FARS2: variants seen among roughly 807,000 people sequenced by gnomAD.
FARS2 encodes phenylalanyl-tRNA synthetase 2, mitochondrial.
In FARS2, 40 loss-of-function variants were observed where a neutral mutation model predicts 46.4. That is an observed-to-expected ratio of 0.86 (90% confidence interval 0.67 to 1.12). The LOEUF is 1.12. FARS2 is among the 50% of genes most tolerant of loss of function. FARS2 has a pLI of 0.00. For missense variants in FARS2, 513 were observed against 567.9 expected, an observed-to-expected ratio of 0.90 and a Z score of 0.98; for synonymous variants, 234 against 214.9, an observed-to-expected ratio of 1.09 and a Z score of -0.78.
At chr6:5,396,915 C>T (rs9405830) in intron 2 of FARS2, among the ~76,000 whole-genome samples, 4,207 of 152,190 alleles carry the variant, frequency 0.028, 157 homozygotes, top group African/African-American at 0.078. Context: ...TAGGCCCTCA[C>T]GTTTCCCCCT....
intron 4 of FARS2, among the ~76,000 whole-genome samples, chr6:5,442,434 T>G (rs1763896693): frequency 6.6e-6 from 1 of 151,870 alleles, no homozygotes; most frequent in South Asian, 2.1e-4. Context: ...CACACATTTC[T>G]TTTTTTTGAG....
At chr6:5,654,945 A>C (rs557308185) in intron 6 of FARS2, among the ~76,000 whole-genome samples, 2 of 152,102 alleles carry the variant, frequency 1.3e-5, no homozygotes, top group South Asian at 2.1e-4. Flanking sequence ...GTATTTTCTT[A>C]TTTTCTTAGT....
chr6:5,269,677 C>T (rs1765808124), intron 1 of FARS2, among the ~76,000 whole-genome samples: 1 of 152,018 alleles, frequency 6.6e-6, no homozygotes, highest in Non-Finnish European at 1.5e-5. Context: ...AGTCTGTTTA[C>T]AAAAAACAGC....
chr6:5,576,236 A>G (rs2150569750), intron 5 of FARS2, among the ~76,000 whole-genome samples: 1 of 152,276 alleles, frequency 6.6e-6, no homozygotes, highest in East Asian at 1.9e-4. Context: ...GGTGTTGCCA[A>G]AGGAGATTAA....
chr6:5,432,415 A>AAT (rs372352730), intron 4 of FARS2, among the ~76,000 whole-genome samples: 17 of 127,464 alleles, frequency 1.3e-4, no homozygotes, highest in African/African-American at 4.5e-4. Flanking sequence ...TATTATATAT[A>AAT]ATATATAATA....
chr6:5,764,176 C>G lies in FARS2; in HGVS notation c.1218-7115C>G, dbSNP rs1156948337. On this transcript the variant is annotated intron_variant, in intron 6 of 6. Transcript: ENST00000274680. The surrounding 1 kb of genome is among the most constrained non-coding windows in gnomAD (Gnocchi z 4.1). Reference sequence around the variant, plus strand: ...TGGAAAGCAAGTTTTGTTCGCCTCACTCTGCAGATGGAGTTATTGAGGCGA... The same window carrying G: ...TGGAAAGCAAGTTTTGTTCGCCTCAGTCTGCAGATGGAGTTATTGAGGCGA... Among the ~76,000 whole-genome samples, 1 of 152,162 alleles carries G rather than the reference C, an allele frequency of 6.6e-6. No individual in the cohort carries two copies. Among genetic ancestry groups the G allele is most frequent in the Non-Finnish European group, 1.5e-5 (1 of 68,034 alleles).
At chr6:5,397,336 G>C (rs1760968970) in intron 2 of FARS2, among the ~76,000 whole-genome samples, 1 of 152,128 alleles carries the variant, frequency 6.6e-6, no homozygotes, top group South Asian at 2.1e-4. Flanking sequence ...GATTTTTAGG[G>C]CACTGAAAAC....
intron 6 of FARS2, among the ~76,000 whole-genome samples, chr6:5,721,931 C>T (rs1406864115): frequency 6.6e-6 from 1 of 152,180 alleles, no homozygotes; most frequent in Non-Finnish European, 1.5e-5. Flanking sequence ...CAGCGTGTAC[C>T]ACGGGTTCTC....
At chr6:5,675,061 G>T (rs539685693) in intron 6 of FARS2, among the ~76,000 whole-genome samples, 1 of 152,254 alleles carries the variant, frequency 6.6e-6, no homozygotes, top group Admixed American at 6.5e-5. Flanking sequence ...TTTTTAATCT[G>T]CATTTTTTGG....
At chr6:5,562,492 A>G (rs1024680008) in intron 5 of FARS2, among the ~76,000 whole-genome samples, 1 of 152,184 alleles carries the variant, frequency 6.6e-6, no homozygotes, top group Non-Finnish European at 1.5e-5. Context: ...TGAGGCCCCA[A>G]GGAAATAATC....
intron 4 of FARS2, among the ~76,000 whole-genome samples, chr6:5,500,636 T>C (rs1767736339): frequency 6.6e-6 from 1 of 152,176 alleles, no homozygotes; most frequent in South Asian, 2.1e-4. Context: ...GTACCATGGT[T>C]AAGGCACGGA....
At chr6:5,519,774 T>C (rs559778212) in intron 4 of FARS2, among the ~76,000 whole-genome samples, 2 of 152,332 alleles carry the variant, frequency 1.3e-5, no homozygotes, top group South Asian at 4.2e-4. Flanking sequence ...TTTATTTGTC[T>C]GGTTGTAGAT....
chr6:5,462,934 A>G (rs1765322980), intron 4 of FARS2, among the ~76,000 whole-genome samples: 1 of 152,220 alleles, frequency 6.6e-6, no homozygotes, highest in Non-Finnish European at 1.5e-5. Context: ...ATTTATATTT[A>G]TATCAGAGCT....
chr6:5,274,284 C>T (rs1338677773), intron 1 of FARS2, among the ~76,000 whole-genome samples: 1 of 152,168 alleles, frequency 6.6e-6, no homozygotes, highest in African/African-American at 2.4e-5. Context: ...GTGCCTAGTT[C>T]CTGGAAATGA....
At chr6:5,553,596 T>A (rs527896762) in intron 5 of FARS2, among the ~76,000 whole-genome samples, 32 of 149,742 alleles carry the variant, frequency 2.1e-4, no homozygotes, top group African/African-American at 6.2e-4. Flanking sequence ...AGGATTTAAA[T>A]TTTTTTTTTA....
intron 6 of FARS2, among the ~76,000 whole-genome samples, chr6:5,637,653 C>T (rs1368116823): frequency 1.3e-5 from 2 of 152,228 alleles, no homozygotes; most frequent in African/African-American, 2.4e-5. Context: ...GCATAATAAA[C>T]ACCACAGACT....
intron 6 of FARS2, among the ~76,000 whole-genome samples, chr6:5,689,505 G>A (rs572625445): frequency 2.0e-4 from 30 of 152,156 alleles, no homozygotes; most frequent in South Asian, 6.3e-4. Context: ...GTAGTTGAGC[G>A]GTTTTGAGTG....
chr6:5,508,440 A>G (rs1282988222), intron 4 of FARS2, among the ~76,000 whole-genome samples: 2 of 152,210 alleles, frequency 1.3e-5, no homozygotes, highest in East Asian at 3.9e-4. Flanking sequence ...AACACATGAC[A>G]GCAGGGACTG....
At chr6:5,450,571 C>T (rs1001498795) in intron 4 of FARS2, among the ~76,000 whole-genome samples, 2 of 152,078 alleles carry the variant, frequency 1.3e-5, no homozygotes, top group Non-Finnish European at 2.9e-5. Flanking sequence ...GATTTCCATG[C>T]ATCATGAATA....
Sources: gnomAD v4.1 joint callset for allele counts (sites outside exome capture counted in the v4.1 genomes callset) on GRCh38, gnomAD v4.1.1 for gene constraint, Gnocchi (gnomAD v3.1) non-coding constraint, MANE v1.5 for transcripts, NCBI Gene and HGNC (gene_info 2026-07-23, HGNC 2026-07-21) for gene names.